CYP20A1: variants seen among roughly 807,000 people sequenced by gnomAD.
The protein encoded by CYP20A1 is cytochrome P450 family 20 subfamily A member 1, also known as cytochrome P450 20A1.
CYP20A1 carries 61 observed loss-of-function variants against 61.4 expected under a neutral mutation model. The observed-to-expected ratio is 0.99, with a 90% CI of 0.81 to 1.23. The LOEUF is 1.23. Among genes scored for constraint, CYP20A1 ranks in the 50% most tolerant of loss-of-function variants. CYP20A1 has a pLI of 0.00. For synonymous variants in CYP20A1, 193 were observed against 188.2 expected (o/e 1.03, Z -0.21); for missense variants, 530 against 542.4 (o/e 0.98, Z 0.23).
rs974236650 is a variant in CYP20A1 at position 203,288,394 on chromosome 2, C to T, written c.972-1371C>T. ...CCTGTGTTTATTTCTCTACAAAGCC[C>T]TTTCCCTAGAGTAGCTGCTCCTACC... On this transcript the variant is annotated intron_variant, in intron 9 of 12. Coordinates refer to ENST00000356079, the MANE Select transcript of CYP20A1 (RefSeq NM_177538.3). Among the ~76,000 whole-genome samples, 3 of 151,978 alleles carry T rather than the reference C, an allele frequency of 2.0e-5. No individual in the cohort carries two copies. The East Asian group carries it at 5.8e-4, about 29-fold the overall frequency.
At chr2:203,279,104 A>C (rs766732730) in intron 7 of CYP20A1, among the ~76,000 whole-genome samples, 1 of 152,078 alleles carries the variant, frequency 6.6e-6, no homozygotes, top group African/African-American at 2.4e-5. Context: ...AGCTGGGACT[A>C]CAGACGCGCA....
intron 1 of CYP20A1, 131 bp from the exon 2 acceptor site, chr2:203,245,715 A>T: frequency 1.9e-6 from 1 of 520,092 alleles, no homozygotes. Flanking sequence ...TTGTATTTTA[A>T]TATGGAAATA....
At chr2:203,278,737 A>G (rs1424663047) in intron 7 of CYP20A1, 49 bp downstream of exon 7, 4 of 1,004,382 alleles carry the variant, frequency 4.0e-6, no homozygotes, top group South Asian at 1.6e-5. Context: ...AGCCAGAGCC[A>G]GGCACAATGG....
chr2:203,254,438 G>A (rs998010619), intron 4 of CYP20A1, among the ~76,000 whole-genome samples: 11 of 151,772 alleles, frequency 7.2e-5, no homozygotes, highest in African/African-American at 1.5e-4. Context: ...CTAGCTACTC[G>A]GGAGGCTGAG....
At chr2:203,258,348 C>T (rs953189101) in intron 4 of CYP20A1, among the ~76,000 whole-genome samples, 1 of 151,486 alleles carries the variant, frequency 6.6e-6, no homozygotes, top group African/African-American at 2.4e-5. Context: ...GTGAATAGCC[C>T]CTGCACTCCT....
rs1188197363 is a variant in CYP20A1 at position 203,251,816 on chromosome 2, TA to T, written c.290-145del. The T allele has an allele frequency of 1.4e-4, 13 of 92,010 alleles. 1 individual carries two copies. The highest frequency in any genetic ancestry group is 4.5e-4 in the African/African-American group (13 of 28,850). The allele number at this position is 92,010 out of a possible 1,614,324, so 5.7% of individuals were successfully genotyped here. A position where few individuals can be genotyped will look rare whatever the true frequency, so the allele number is the denominator to read the frequency against. ...GTGTATATATATATATATATATATATAAAAAATAAAAAATAAAAACAAGGGA... is the reference window on the plus strand; with the variant it reads ...GTGTATATATATATATATATATATATAAAAATAAAAAATAAAAACAAGGGA... On this transcript the variant is annotated intron_variant, in intron 3 of 12. Coordinates refer to ENST00000356079, the MANE Select transcript of CYP20A1 (RefSeq NM_177538.3).
chr2:203,247,799 G>A (rs889362329), intron 3 of CYP20A1, among the ~76,000 whole-genome samples: 6 of 152,138 alleles, frequency 3.9e-5, no homozygotes, highest in African/African-American at 1.4e-4. Context: ...AGAGGTTGCA[G>A]TGAGCTGAGA....
Position 203,300,891 on chromosome 2 carries a change from G to GAAAA in CYP20A1, c.*4002_*4005dup, listed in dbSNP as rs1163039964. 8.1e-5 allele frequency among the ~76,000 whole-genome samples: 3 copies of GAAAA among 37,022 alleles called. No homozygotes were observed. Among genetic ancestry groups the GAAAA allele is most frequent in the Admixed American group, 3.5e-4 (1 of 2,832 alleles). The allele number at this position is 37,022 out of a possible 152,430, so 24.3% of individuals were successfully genotyped here. A position where few individuals can be genotyped will look rare whatever the true frequency, so the allele number is the denominator to read the frequency against. The stretch of plus-strand genomic sequence containing the variant: ...GCAATAAGAGCAAAACTCCGTCTCA[G>GAAAA]AAAAAAAAAAAAAAAAAAAAAACGG... On this transcript the variant is annotated 3_prime_UTR_variant, in exon 13 of 13. Coordinates refer to ENST00000356079, the MANE Select transcript of CYP20A1 (RefSeq NM_177538.3).
intron 11 of CYP20A1, among the ~76,000 whole-genome samples, chr2:203,295,681 C>T (rs181847792): frequency 6.6e-6 from 1 of 152,316 alleles, no homozygotes; most frequent in Admixed American, 6.5e-5. Context: ...GGTGCCGTGG[C>T]TCATACCTAT....
At chr2:203,240,374 C>T (rs1575155056) in intron 1 of CYP20A1, among the ~76,000 whole-genome samples, 1 of 152,358 alleles carries the variant, frequency 6.6e-6, no homozygotes, top group East Asian at 1.9e-4. Context: ...TAGAAGCACA[C>T]TGTTTATTCT....
chr2:203,268,016 C>T (rs1034117399), intron 5 of CYP20A1, among the ~76,000 whole-genome samples: 6 of 151,856 alleles, frequency 4.0e-5, no homozygotes, highest in East Asian at 3.9e-4. Flanking sequence ...CAAGGAACTC[C>T]CTCCCTCCCA....
intron 9 of CYP20A1, 76 bp downstream of exon 9, chr2:203,285,808 C>T: frequency 1.5e-6 from 2 of 1,311,066 alleles, no homozygotes. Context: ...GCTATTGTTG[C>T]TATCTAGGAA....
At chr2:203,283,005 CA>C (rs1015828419) in intron 8 of CYP20A1, among the ~76,000 whole-genome samples, 3 of 151,346 alleles carry the variant, frequency 2.0e-5, no homozygotes, top group Non-Finnish European at 3.0e-5. Context: ...ACAATCTCTA[CA>C]AAAAAAATAA....
Position 203,298,699 on chromosome 2 carries a change from C to CA in CYP20A1, c.*1807dup, listed in dbSNP as rs755976703. Among the ~76,000 whole-genome samples the CA allele has an allele frequency of 0.052, 4,620 of 88,364 alleles. 104 individuals carry two copies. Among genetic ancestry groups the CA allele is most frequent in the South Asian group, 0.15 (438 of 2,890 alleles). 58.0% of individuals were successfully genotyped at this position (88,364 alleles called of 152,430 possible). ...CTGGGTGTCGAGTGAAACTCATTCT[C>CA]AAAAAAAAAAAAAAAAGGAGGTGGG... On this transcript the variant is annotated 3_prime_UTR_variant, in exon 13 of 13. Coordinates refer to ENST00000356079, the MANE Select transcript of CYP20A1 (RefSeq NM_177538.3).
chr2:203,263,539 C>T (rs1169010284), intron 4 of CYP20A1, among the ~76,000 whole-genome samples: 2 of 152,114 alleles, frequency 1.3e-5, no homozygotes, highest in African/African-American at 2.4e-5. Context: ...CTGCCCGCCT[C>T]GGCCCCCCAA....
At position 203,239,039 on chromosome 2, in the gene CYP20A1, C is replaced by T. The variant is rs534126973; in HGVS notation, c.-24C>T. ...TGCTGCTGGAGCGGCCGATCCGAGA[C>T]GTGGCTCCCTGGGCGGCAGAACCAT... On this transcript the variant is annotated 5_prime_UTR_variant, in exon 1 of 13. The change creates a new upstream start codon in the 5' untranslated region. Transcript: ENST00000356079. 10 of 1,609,674 alleles carry T rather than the reference C, an allele frequency of 6.2e-6. No homozygotes were observed. In the South Asian group the frequency reaches 6.6e-5, roughly 11 times the overall value.
intron 4 of CYP20A1, among the ~76,000 whole-genome samples, chr2:203,265,950 A>T (rs1238799581): frequency 1.3e-5 from 2 of 152,146 alleles, no homozygotes; most frequent in Admixed American, 6.6e-5. Flanking sequence ...TTTGCCTCCC[A>T]AAGTGCTAGG....
intron 8 of CYP20A1, among the ~76,000 whole-genome samples, chr2:203,285,156 A>G (rs1197062397): frequency 6.6e-6 from 1 of 152,116 alleles, no homozygotes; most frequent in Non-Finnish European, 1.5e-5. Flanking sequence ...ATTTTAGAAT[A>G]TTGATTTATC....
intron 11 of CYP20A1, among the ~76,000 whole-genome samples, chr2:203,293,868 GTTAT>G (rs989925740): frequency 4.6e-5 from 7 of 152,028 alleles, no homozygotes; most frequent in East Asian, 1.9e-4. Flanking sequence ...TGGTACGTGG[GTTAT>G]TTGTTTTGTT....
Sources: allele counts gnomAD v4.1 joint callset (sites outside exome capture counted in the v4.1 genomes callset), GRCh38; gene constraint gnomAD v4.1.1; transcripts MANE v1.5; gene names NCBI Gene and HGNC (gene_info 2026-07-23, HGNC 2026-07-21).